THRB: variants seen among roughly 807,000 people sequenced by gnomAD.
The protein encoded by THRB is nuclear receptor subfamily 1 group A member 2.
A neutral mutation model predicts 47.8 loss-of-function variants in THRB; 12 were observed. The observed-to-expected ratio is 0.25, with a 90% confidence interval of 0.16 to 0.41. The LOEUF is 0.41. Ranked by LOEUF, THRB falls within the 10% of genes least tolerant of loss-of-function variation. The pLI is 1.00. For synonymous variants in THRB, 218 were observed against 212.2 expected (o/e 1.03, Z -0.24); for missense variants, 348 against 589.2 (o/e 0.59, Z 4.24).
At chr3:24,305,241 C>T (rs945821905) in intron 2 of THRB, among the ~76,000 whole-genome samples, 3 of 152,190 alleles carry the variant, frequency 2.0e-5, no homozygotes, top group Non-Finnish European at 4.4e-5. Flanking sequence ...ATTATCTGTC[C>T]TCCCCTGAGA....
At chr3:24,277,976 G>GAC (rs111603087) in intron 3 of THRB, among the ~76,000 whole-genome samples, 11,260 of 152,152 alleles carry the variant, frequency 0.074, 1,353 homozygotes, top group African/African-American at 0.25. Context: ...CCCATGCATG[G>GAC]ACAGTTTCAT....
At chr3:24,152,024 C>T (rs2037032000) in intron 6 of THRB, among the ~76,000 whole-genome samples, 1 of 152,140 alleles carries the variant, frequency 6.6e-6, no homozygotes, top group Non-Finnish European at 1.5e-5. Flanking sequence ...GTAGATAAAA[C>T]AAGAAGAGAA....
At chr3:24,273,751 G>A (rs1249088442) in intron 3 of THRB, among the ~76,000 whole-genome samples, 2 of 152,132 alleles carry the variant, frequency 1.3e-5, no homozygotes, top group Non-Finnish European at 2.9e-5. Flanking sequence ...CTGGGGTAGA[G>A]TTCTACCCAT....
chr3:24,130,991 A>C (rs2033772490), intron 9 of THRB, among the ~76,000 whole-genome samples: 1 of 152,228 alleles, frequency 6.6e-6, no homozygotes, highest in Non-Finnish European at 1.5e-5. Context: ...CATTGAAGGT[A>C]AAAAGTTGGT....
chr3:24,409,318 A>G (rs1252293565), intron 1 of THRB, among the ~76,000 whole-genome samples: 1 of 151,890 alleles, frequency 6.6e-6, no homozygotes, highest in African/African-American at 2.4e-5. Context: ...TATCATTTTT[A>G]TTTGTTTTAA....
chr3:24,245,429 T>A (rs1202999599), intron 3 of THRB, among the ~76,000 whole-genome samples: 1 of 152,142 alleles, frequency 6.6e-6, no homozygotes, highest in Non-Finnish European at 1.5e-5. Context: ...GAAGACGGGA[T>A]GTGCACAAAC....
chr3:24,382,840 A>G (rs2065814974), intron 1 of THRB, among the ~76,000 whole-genome samples: 1 of 152,134 alleles, frequency 6.6e-6, no homozygotes, highest in Admixed American at 6.6e-5. Context: ...CACTTCTGCA[A>G]CAGCCTCCCA....
chr3:24,488,207 G>A (rs1261359714), intron 1 of THRB, among the ~76,000 whole-genome samples: 1 of 152,150 alleles, frequency 6.6e-6, no homozygotes, highest in African/African-American at 2.4e-5. Flanking sequence ...TGTCACTCAT[G>A]ACTTTCTTAT....
At chr3:24,334,680 G>A (rs544270245) in intron 2 of THRB, among the ~76,000 whole-genome samples, 2 of 152,116 alleles carry the variant, frequency 1.3e-5, no homozygotes, top group African/African-American at 4.8e-5. Flanking sequence ...CTCTTTCACA[G>A]TATTCCTGAT....
chr3:24,121,693 T>G lies in THRB; in HGVS notation c.*1191A>C, dbSNP rs2031714620. The G allele has an allele frequency of 6.6e-6, 1 of 152,236 alleles. No homozygotes were observed. The highest frequency in any genetic ancestry group is 2.4e-5 in the African/African-American group (1 of 41,408). 9.4% of individuals were successfully genotyped at this position (152,236 alleles called of 1,614,324 possible). On this transcript the variant is annotated 3_prime_UTR_variant, in exon 11 of 11. Coordinates refer to ENST00000646209, the MANE Select transcript of THRB (RefSeq NM_001354712.2). ...GTCAGTGGCAGGGCCAGTCTCTGTT[T>G]AGAGATAGTCAAGCTATTTAGTTCC... is the stretch of plus-strand genomic sequence containing the variant.
intron 5 of THRB, among the ~76,000 whole-genome samples, chr3:24,181,020 C>A (rs1273933390): frequency 1.3e-5 from 2 of 152,066 alleles, no homozygotes; most frequent in Non-Finnish European, 2.9e-5. Flanking sequence ...GGGAAGAAGC[C>A]TAGACTTCGT....
intron 3 of THRB, among the ~76,000 whole-genome samples, chr3:24,234,814 T>C (rs997458263): frequency 7.9e-5 from 12 of 152,194 alleles, no homozygotes; most frequent in African/African-American, 2.9e-4. Context: ...ATGAAAAGCA[T>C]GGCTTAGAAG....
intron 1 of THRB, among the ~76,000 whole-genome samples, chr3:24,422,722 G>T (rs2069386961): frequency 6.6e-6 from 1 of 151,846 alleles, no homozygotes; most frequent in South Asian, 2.1e-4. Flanking sequence ...TTCTACTCTG[G>T]AAAGTTCAGG....
chr3:24,226,735 G>A (rs1559660693), intron 4 of THRB, among the ~76,000 whole-genome samples: 1 of 152,198 alleles, frequency 6.6e-6, no homozygotes. Context: ...AGAACTGCCT[G>A]GACCACCCTG....
chr3:24,364,303 T>C (rs76230825), intron 1 of THRB, among the ~76,000 whole-genome samples: 3,137 of 152,238 alleles, frequency 0.021, 43 homozygotes, highest in African/African-American at 0.039. Flanking sequence ...GATATATTAA[T>C]GGAATGATAA....
intron 6 of THRB, among the ~76,000 whole-genome samples, chr3:24,147,850 A>G (rs530693273): frequency 2.6e-5 from 4 of 152,212 alleles, no homozygotes; most frequent in Non-Finnish European, 5.9e-5. Context: ...GACAGGTTAA[A>G]TCGCTTGCCC....
chr3:24,454,047 G>A (rs187498945), intron 1 of THRB, among the ~76,000 whole-genome samples: 2 of 152,008 alleles, frequency 1.3e-5, no homozygotes, highest in Non-Finnish European at 2.9e-5. Context: ...AATATAAAAC[G>A]AAATAAAAAT....
At chr3:24,461,971 T>A (rs938495276) in intron 1 of THRB, among the ~76,000 whole-genome samples, 1 of 152,124 alleles carries the variant, frequency 6.6e-6, no homozygotes, top group East Asian at 1.9e-4. Context: ...ATACATTTAG[T>A]GAAAAAAGAT....
chr3:24,131,795 G>A (rs1461448743), intron 9 of THRB, among the ~76,000 whole-genome samples: 1 of 152,266 alleles, frequency 6.6e-6, no homozygotes, highest in South Asian at 2.1e-4. Context: ...GATCGTGAAC[G>A]TCCCAGCCTC....
Sources: gnomAD v4.1 joint callset for allele counts (sites outside exome capture counted in the v4.1 genomes callset) on GRCh38, gnomAD v4.1.1 for gene constraint, MANE v1.5 for transcripts, NCBI Gene and HGNC (gene_info 2026-07-23, HGNC 2026-07-21) for gene names.